The following CTPS1 variants were observed in gnomAD, a reference collection of about 807,000 sequenced individuals.
The protein encoded by CTPS1 is CTP synthase 1, also known as CTP synthetase 1.
In CTPS1, 25 loss-of-function variants were observed where a neutral mutation model predicts 80.5. The ratio of observed to expected loss-of-function variants is 0.31; its 90% CI spans 0.23 to 0.43. The LOEUF (loss-of-function observed/expected upper bound fraction) is 0.43, where lower values mean the gene tolerates loss of function less well. CTPS1 is among the 20% of genes least tolerant of loss of function. The probability of loss-of-function intolerance (pLI) is 1.00; values close to 1 mark genes in which losing one functional copy is unlikely to be tolerated. For missense variants in CTPS1, 442 were observed against 725.7 expected, an observed-to-expected ratio of 0.61 and a Z score of 4.49; for synonymous variants, 267 against 252.5, an observed-to-expected ratio of 1.06 and a Z score of -0.54.
chr1:40,988,545 C>A, intron 4 of CTPS1, 49 bp from the exon 5 acceptor site: 1 of 1,260,164 alleles, frequency 7.9e-7, no homozygotes, highest in Non-Finnish European at 1.2e-6. Context: ...AACTAAACTG[C>A]CAGAGAAGGG....
chr1:40,997,372 T>C (rs779949097), intron 8 of CTPS1, 22 bp from the exon 9 acceptor site: 3 of 1,607,472 alleles, frequency 1.9e-6, no homozygotes, highest in Admixed American at 1.7e-5. Context: ...TAATTGGGTT[T>C]TTCTTGACGT....
At chr1:40,990,052 G>A (rs1570949736) in intron 5 of CTPS1, among the ~76,000 whole-genome samples, 2 of 151,654 alleles carry the variant, frequency 1.3e-5, no homozygotes, top group East Asian at 1.9e-4. Context: ...GCAAATGATG[G>A]CCTATGGGCC....
At chr1:40,998,388 ACT>A (rs1218705334) in intron 9 of CTPS1, among the ~76,000 whole-genome samples, 2 of 117,228 alleles carry the variant, frequency 1.7e-5, no homozygotes, top group African/African-American at 7.6e-5. Context: ...ACAGAGTGAG[ACT>A]CTGTCTAAAA....
intron 1 of CTPS1, among the ~76,000 whole-genome samples, chr1:40,982,267 C>A (rs1015275125): frequency 3.3e-5 from 5 of 152,144 alleles, no homozygotes; most frequent in Non-Finnish European, 7.3e-5. Flanking sequence ...CTCTGCCCGT[C>A]ATGTGCTTCA....
intron 1 of CTPS1, among the ~76,000 whole-genome samples, chr1:40,982,782 A>G (rs988218453): frequency 6.6e-6 from 1 of 152,222 alleles, no homozygotes; most frequent in Non-Finnish European, 1.5e-5. Flanking sequence ...TTTGTAACCT[A>G]GAGGAGCTGT....
intron 8 of CTPS1, among the ~76,000 whole-genome samples, chr1:40,996,919 T>G (rs1642766734): frequency 6.6e-6 from 1 of 152,220 alleles, no homozygotes; most frequent in Non-Finnish European, 1.5e-5. Flanking sequence ...GTCTGTTATT[T>G]TTTTTGGTCT....
At position 41,008,652 on chromosome 1, in the gene CTPS1, T is replaced by C; in HGVS notation, c.1394-7T>C. On this transcript the variant is annotated splice_region_variant and splice_polypyrimidine_tract_variant and intron_variant, in intron 14 of 18. Coordinates refer to ENST00000650070, the MANE Select transcript of CTPS1 (RefSeq NM_001905.4). ...GTTCTTTACATACAGCCCGTTTGTT[T>C]TGCCAGGGAAACTCTATGGAGACGC... The C allele has an allele frequency of 6.2e-7, 1 of 1,614,096 alleles. No homozygotes were observed. The highest frequency in any genetic ancestry group is 8.5e-7 in the Non-Finnish European group (1 of 1,179,958).
Position 40,979,792 on chromosome 1 carries a change from G to T in CTPS1, c.-51G>T, listed in dbSNP as rs890850835. 1 of 152,254 alleles carries T rather than the reference G, an allele frequency of 6.6e-6. No homozygotes were observed. The highest frequency in any genetic ancestry group is 1.5e-5 in the Non-Finnish European group (1 of 68,086). The allele number at this position is 152,254 out of a possible 1,614,324, so 9.4% of individuals were successfully genotyped here. A position where few individuals can be genotyped will look rare whatever the true frequency, so the allele number is the denominator to read the frequency against. On this transcript the variant is annotated 5_prime_UTR_variant, in exon 1 of 19. Transcript: ENST00000650070. ...GGGCTCCGCGCGCGTCGCCGGCCCAGCTCTGTCGCTGACGGGAGGATCTGA... is the reference window on the plus strand; with the variant it reads ...GGGCTCCGCGCGCGTCGCCGGCCCATCTCTGTCGCTGACGGGAGGATCTGA...
Position 41,007,318 on chromosome 1 carries a change from A to G in CTPS1, c.1297-131A>G, listed in dbSNP as rs921889781. The G allele has an allele frequency of 2.7e-6, 2 of 751,526 alleles. No homozygotes were observed. Among genetic ancestry groups the G allele is most frequent in the Non-Finnish European group, 2.2e-6 (1 of 459,994 alleles). The allele number at this position is 751,526 out of a possible 1,614,324, so 46.6% of individuals were successfully genotyped here. A position where few individuals can be genotyped will look rare whatever the true frequency, so the allele number is the denominator to read the frequency against. The stretch of plus-strand genomic sequence containing the variant: ...CTGGGAGGCATTTTCTTCTGTGACA[A>G]AATGTCTCATAAGGAAAGCCTGGAG... On this transcript the variant is annotated intron_variant, in intron 13 of 18. Coordinates refer to ENST00000650070, the MANE Select transcript of CTPS1 (RefSeq NM_001905.4). The surrounding 1 kb of genome is among the most constrained non-coding windows in gnomAD (Gnocchi z 4.4).
rs1217079525 is a variant in CTPS1 at position 40,998,509 on chromosome 1, C to T, written c.1005+983C>T. On this transcript the variant is annotated intron_variant, in intron 9 of 18. Coordinates refer to ENST00000650070, the MANE Select transcript of CTPS1 (RefSeq NM_001905.4). ...AGACCTAGACAACTTACTTAACCCT[C>T]TTTGTGCCTCAGTTTCCACATTGTT... 4.0e-5 allele frequency among the ~76,000 whole-genome samples: 6 copies of T among 151,362 alleles called. No individual in the cohort carries two copies. In the East Asian group the frequency reaches 1.2e-3, roughly 30 times the overall value.
intron 1 of CTPS1, chr1:40,981,125 CATTT>C (rs1216776168): frequency 6.6e-6 from 1 of 152,222 alleles, no homozygotes; most frequent in Non-Finnish European, 1.5e-5. Context: ...CTGAATTACT[CATTT>C]ATTTGTTAAT....
intron 5 of CTPS1, among the ~76,000 whole-genome samples, chr1:40,989,930 G>A (rs61780428): frequency 0.086 from 13,055 of 152,186 alleles, 724 homozygotes; most frequent in Non-Finnish European, 0.12. Flanking sequence ...TAGAAAATAG[G>A]AGAGAAAAGG....
intron 18 of CTPS1, among the ~76,000 whole-genome samples, chr1:41,010,564 G>T (rs1054363076): frequency 6.6e-6 from 1 of 152,176 alleles, no homozygotes; most frequent in Non-Finnish European, 1.5e-5. Context: ...AGTCTGACCA[G>T]TTCTGGGGCG....
intron 4 of CTPS1, among the ~76,000 whole-genome samples, chr1:40,987,878 A>G (rs1024142828): frequency 2.0e-5 from 3 of 152,160 alleles, no homozygotes; most frequent in Non-Finnish European, 4.4e-5. Flanking sequence ...TTCCTCAGAT[A>G]ACAGGAGACT....
chr1:40,997,213 C>T (rs889864551), intron 8 of CTPS1, 181 bp from the exon 9 acceptor site: 2 of 630,732 alleles, frequency 3.2e-6, no homozygotes, highest in East Asian at 3.1e-5. Context: ...TCACTGTAAC[C>T]TCCAACTCCT....
At chr1:40,987,775 T>C (rs1367886001) in intron 4 of CTPS1, among the ~76,000 whole-genome samples, 1 of 152,208 alleles carries the variant, frequency 6.6e-6, no homozygotes, top group Non-Finnish European at 1.5e-5. Context: ...TCTTTTGCTT[T>C]CGTCTGGCAA....
intron 1 of CTPS1, chr1:40,981,216 A>G (rs1310513403): frequency 6.6e-6 from 1 of 152,230 alleles, no homozygotes; most frequent in African/African-American, 2.4e-5. Context: ...GTCCCCAAGC[A>G]CAGTAGCTGT....
intron 9 of CTPS1, among the ~76,000 whole-genome samples, chr1:40,998,698 C>G (rs935250429): frequency 6.6e-6 from 1 of 152,180 alleles, no homozygotes; most frequent in East Asian, 1.9e-4. Context: ...GGCCCATCAG[C>G]TGAAGCTTTT....
chr1:40,993,677 G>C (rs1405569168), intron 7 of CTPS1, among the ~76,000 whole-genome samples: 1 of 151,438 alleles, frequency 6.6e-6, no homozygotes, highest in Non-Finnish European at 1.5e-5. Flanking sequence ...ATCTTACTGA[G>C]TTGACTTGAT....
Sources: gnomAD v4.1 joint callset for allele counts (sites outside exome capture counted in the v4.1 genomes callset) on GRCh38, gnomAD v4.1.1 for gene constraint, Gnocchi (gnomAD v3.1) non-coding constraint, MANE v1.5 for transcripts, NCBI Gene and HGNC (gene_info 2026-07-23, HGNC 2026-07-21) for gene names.